TFCP2L1: variants seen among roughly 807,000 people sequenced by gnomAD.
TFCP2L1 encodes transcription factor CP2 like 1.
TFCP2L1 carries 12 observed loss-of-function variants against 72.2 expected under a neutral mutation model. The observed-to-expected ratio is 0.17, with a 90% CI of 0.11 to 0.27. The LOEUF is 0.27. TFCP2L1 is among the 10% of genes least tolerant of loss of function. The probability of loss-of-function intolerance (pLI) is 1.00; values close to 1 mark genes in which losing one functional copy is unlikely to be tolerated. For missense variants in TFCP2L1, 488 were observed against 624.6 expected (o/e 0.78, Z 2.33); for synonymous variants, 260 against 251.0 (o/e 1.04, Z -0.34).
In TFCP2L1 at chr2:121,259,481, G is replaced by C. The variant is rs1686791115; in HGVS notation, c.215-9834C>G. ...CATCTATATAGATAAAGCAAGTGTG[G>C]CAAAACATTTAAAAACTGGTGAATC... On this transcript the variant is annotated intron_variant, in intron 2 of 14. Coordinates refer to ENST00000263707, the MANE Select transcript of TFCP2L1 (RefSeq NM_014553.3). 2.0e-5 allele frequency among the ~76,000 whole-genome samples: 3 copies of C among 152,126 alleles called. No individual in the cohort carries two copies. In the South Asian group the frequency reaches 6.2e-4, roughly 32 times the overall value.
chr2:121,235,259 G>A lies in TFCP2L1; in HGVS notation c.1056C>T (p.Pro352=), dbSNP rs753224324. Residue 352 remains proline, a synonymous_variant, in exon 11 of 15, where the codon CCC becomes CCT. Transcript: ENST00000263707. ...SRDDLVQICG[P]ADGIRLFNAI... ...CGTTGAAGAGCCGGATCCCATCTGC[G>A]GGACCACAGATCTGGACCAAATCAT... The A allele has an allele frequency of 1.1e-5, 18 of 1,613,998 alleles. No homozygotes were observed. Among genetic ancestry groups the A allele is most frequent in the East Asian group, 6.7e-5 (3 of 44,886 alleles).
At chr2:121,275,181 G>A (rs1687120578) in intron 2 of TFCP2L1, among the ~76,000 whole-genome samples, 1 of 151,876 alleles carries the variant, frequency 6.6e-6, no homozygotes, top group Non-Finnish European at 1.5e-5. Context: ...TCAGGAGATC[G>A]AGACCATCCT....
At position 121,223,252 on chromosome 2, in the gene TFCP2L1, A is replaced by G. The variant is rs1685960604; in HGVS notation, c.*1089T>C. On this transcript the variant is annotated 3_prime_UTR_variant, in exon 15 of 15. Coordinates refer to ENST00000263707, the MANE Select transcript of TFCP2L1 (RefSeq NM_014553.3). ...AAGACAAAGACGAATTTCTGAGTCT[A>G]CCACAGTTACTGACACTCAAATTTC... 6.7e-6 allele frequency: 1 copy of G among 150,294 alleles called. No homozygotes were observed. The highest frequency in any genetic ancestry group is 2.4e-5 in the African/African-American group (1 of 41,158). The allele number at this position is 150,294 out of a possible 1,614,324, so 9.3% of individuals were successfully genotyped here.
chr2:121,242,988 A>T (rs1410421591), intron 6 of TFCP2L1, among the ~76,000 whole-genome samples: 3 of 152,176 alleles, frequency 2.0e-5, no homozygotes, highest in Non-Finnish European at 2.9e-5. Context: ...GCAACTTTCA[A>T]AGGGTGTACA....
At chr2:121,229,679 G>A (rs1329764742) in intron 13 of TFCP2L1, among the ~76,000 whole-genome samples, 2 of 152,236 alleles carry the variant, frequency 1.3e-5, no homozygotes, top group African/African-American at 4.8e-5. Flanking sequence ...GACTTGTTTA[G>A]TGTCTCCTGG....
At chr2:121,257,741 A>C (rs1220188555) in intron 2 of TFCP2L1, among the ~76,000 whole-genome samples, 1 of 152,238 alleles carries the variant, frequency 6.6e-6, no homozygotes, top group Non-Finnish European at 1.5e-5. Context: ...CACACCACAC[A>C]GGAATGAATG....
At position 121,256,711 on chromosome 2, in the gene TFCP2L1, G is replaced by GGTTGCAGTGAGGCAAGATGGCGTC. The variant is rs546110205; in HGVS notation, c.215-7088_215-7065dup. ...AGAATTGCTTGAACCAGGAGGCGGA[G>GGTTGCAGTGAGGCAAGATGGCGTC]GTTGCAGTGAGGCAAGATGGCGTCA... On this transcript the variant is annotated intron_variant, in intron 2 of 14. Transcript: ENST00000263707. 1.0e-3 allele frequency among the ~76,000 whole-genome samples: 156 copies of GGTTGCAGTGAGGCAAGATGGCGTC among 152,082 alleles called. 6 individuals carry two copies. In the South Asian group the frequency reaches 0.03, roughly 29 times the overall value.
chr2:121,226,039 G>A (rs1267578617), intron 13 of TFCP2L1, among the ~76,000 whole-genome samples: 4 of 99,354 alleles, frequency 4.0e-5, no homozygotes, highest in African/African-American at 1.2e-4. Context: ...ACACGGGAAC[G>A]TGGTAAACAC....
chr2:121,271,237 C>CAA (rs1687042266), intron 2 of TFCP2L1, among the ~76,000 whole-genome samples: 2 of 150,838 alleles, frequency 1.3e-5, no homozygotes, highest in Admixed American at 6.6e-5. Context: ...TGTCAAACAG[C>CAA]AAATATAAAT....
intron 2 of TFCP2L1, among the ~76,000 whole-genome samples, chr2:121,252,563 C>T (rs1470194161): frequency 6.6e-6 from 1 of 152,106 alleles, no homozygotes; most frequent in African/African-American, 2.4e-5. Context: ...TCCAAGTGTG[C>T]TTATGAGAAA....
At chr2:121,232,650 T>C (rs6721040) in intron 12 of TFCP2L1, among the ~76,000 whole-genome samples, 1 of 152,182 alleles carries the variant, frequency 6.6e-6, no homozygotes, top group Non-Finnish European at 1.5e-5. Flanking sequence ...GGTTCTTGGA[T>C]AGCTGGAGGG....
intron 2 of TFCP2L1, among the ~76,000 whole-genome samples, chr2:121,259,644 T>C (rs1029637668): frequency 6.6e-6 from 1 of 152,190 alleles, no homozygotes; most frequent in African/African-American, 2.4e-5. Flanking sequence ...CCTAGATCTG[T>C]TATAGATGTA....
intron 13 of TFCP2L1, among the ~76,000 whole-genome samples, chr2:121,228,303 A>C (rs1393364098): frequency 6.6e-6 from 1 of 152,192 alleles, no homozygotes; most frequent in Non-Finnish European, 1.5e-5. Flanking sequence ...TGTCTTCACA[A>C]AAGGAAATTC....
intron 2 of TFCP2L1, among the ~76,000 whole-genome samples, chr2:121,264,311 C>A (rs1686887116): frequency 6.6e-6 from 1 of 152,228 alleles, no homozygotes; most frequent in African/African-American, 2.4e-5. Flanking sequence ...ACTAAGGCAA[C>A]ACAGCCTGCT....
chr2:121,272,207 A>G (rs1687060962), intron 2 of TFCP2L1, among the ~76,000 whole-genome samples: 1 of 152,142 alleles, frequency 6.6e-6, no homozygotes, highest in Non-Finnish European at 1.5e-5. Context: ...GCCTGATTTC[A>G]CCCTCTCAGC....
chr2:121,239,046 TC>T (rs1686308562), intron 8 of TFCP2L1, among the ~76,000 whole-genome samples: 1 of 152,088 alleles, frequency 6.6e-6, no homozygotes. Context: ...AGAGTGACTG[TC>T]CTGTCACAGC....
intron 2 of TFCP2L1, among the ~76,000 whole-genome samples, chr2:121,262,715 T>C (rs1282940795): frequency 6.6e-6 from 1 of 152,148 alleles, no homozygotes; most frequent in Non-Finnish European, 1.5e-5. Context: ...TGTTATGTAA[T>C]AGGTTAACAT....
chr2:121,275,062 T>C (rs988719011), intron 2 of TFCP2L1, among the ~76,000 whole-genome samples: 1 of 152,130 alleles, frequency 6.6e-6, no homozygotes, highest in Admixed American at 6.5e-5. Flanking sequence ...GACAATATTC[T>C]GCCCTAAATA....
intron 2 of TFCP2L1, among the ~76,000 whole-genome samples, chr2:121,280,557 A>G (rs1687234314): frequency 6.6e-6 from 1 of 152,148 alleles, no homozygotes; most frequent in African/African-American, 2.4e-5. Flanking sequence ...CAGGAGTTTG[A>G]GACCAGCCTG....
Sources: allele counts gnomAD v4.1 joint callset (sites outside exome capture counted in the v4.1 genomes callset), GRCh38; gene constraint gnomAD v4.1.1; transcripts MANE v1.5; gene names NCBI Gene and HGNC (gene_info 2026-07-23, HGNC 2026-07-21).